Variants in SUPT3H observed in about 807,000 individuals in gnomAD.
SUPT3H encodes SPT3 homolog, SAGA and STAGA complex component.
In SUPT3H, 44 loss-of-function variants were observed where a neutral mutation model predicts 44.3. That is an observed-to-expected ratio of 0.99 (90% CI 0.78 to 1.28). The LOEUF (loss-of-function observed/expected upper bound fraction) is 1.28. Ranked by LOEUF, SUPT3H falls within the 50% of genes most tolerant of loss-of-function variation. SUPT3H has a pLI of 0.00. For synonymous variants in SUPT3H, 124 were observed against 125.6 expected, an observed-to-expected ratio of 0.99 and a Z score of 0.09; for missense variants, 380 against 387.1, an observed-to-expected ratio of 0.98 and a Z score of 0.15.
intron 5 of SUPT3H, among the ~76,000 whole-genome samples, chr6:45,008,040 T>C (rs563632928): frequency 8.5e-5 from 13 of 152,278 alleles, no homozygotes; most frequent in African/African-American, 2.6e-4. Context: ...CCAAATAATA[T>C]TCCTTTATAT....
chr6:44,915,116 A>G (rs9357460), intron 10 of SUPT3H, among the ~76,000 whole-genome samples: 1 of 152,184 alleles, frequency 6.6e-6, no homozygotes, highest in Non-Finnish European at 1.5e-5. Flanking sequence ...TCTTGGGATA[A>G]AAGTAAAGAG....
rs143906947 is a variant in SUPT3H, at chr6:44,981,606, T to C, written c.505-19778A>G. On this transcript the variant is annotated intron_variant, in intron 6 of 10. Coordinates refer to ENST00000371459, the MANE Select transcript of SUPT3H (RefSeq NM_003599.4). ...AGATTAGCGTGAGTGGTAATAGGAA[T>C]GTTTACCTGGGAATCAGAAGATCTG... Among the ~76,000 whole-genome samples, 40 of 152,272 alleles carry C rather than the reference T, an allele frequency of 2.6e-4. 1 individual carries two copies. The East Asian group carries it at 7.3e-3, about 28-fold the overall frequency.
intron 7 of SUPT3H, among the ~76,000 whole-genome samples, chr6:44,955,739 G>T (rs1370175081): frequency 6.6e-6 from 1 of 152,142 alleles, no homozygotes; most frequent in Non-Finnish European, 1.5e-5. Flanking sequence ...AGGGTAGGAG[G>T]GGGGTGAGGG....
At chr6:45,180,674 G>A (rs1353300186) in intron 2 of SUPT3H, among the ~76,000 whole-genome samples, 1 of 152,060 alleles carries the variant, frequency 6.6e-6, no homozygotes, top group Non-Finnish European at 1.5e-5. Context: ...TATGTAGAAA[G>A]CTGAAACTGG....
rs1201194557 is a variant in SUPT3H, at chr6:44,847,633, A to G, written c.913-17776T>C. Among the ~76,000 whole-genome samples, 6 of 151,920 alleles carry G rather than the reference A, an allele frequency of 3.9e-5. No homozygotes were observed. In the East Asian group the frequency reaches 1.2e-3, roughly 30 times the overall value. On this transcript the variant is annotated intron_variant, in intron 10 of 10. Transcript: ENST00000371459. Reference sequence around the variant, plus strand: ...CTTCTGAGTAGCTGGGACTACAGGCATGTGCCACCATGCCCAGCTAATTTT... The same window carrying G: ...CTTCTGAGTAGCTGGGACTACAGGCGTGTGCCACCATGCCCAGCTAATTTT...
chr6:45,257,239 A>C (rs1773557497), intron 2 of SUPT3H, among the ~76,000 whole-genome samples: 1 of 152,154 alleles, frequency 6.6e-6, no homozygotes, highest in Non-Finnish European at 1.5e-5. Context: ...TATGAGCCCC[A>C]TTTTTACCAT....
intron 3 of SUPT3H, among the ~76,000 whole-genome samples, chr6:45,030,260 A>T (rs1018962202): frequency 6.6e-6 from 1 of 152,166 alleles, no homozygotes; most frequent in Admixed American, 6.5e-5. Context: ...AAAAGGTTAC[A>T]TTTGCATTTC....
intron 2 of SUPT3H, among the ~76,000 whole-genome samples, chr6:45,126,683 T>C (rs1802478545): frequency 1.3e-5 from 2 of 152,302 alleles, no homozygotes; most frequent in Admixed American, 1.3e-4. Context: ...TGACTATGCC[T>C]ATCCTCTAAG....
intron 2 of SUPT3H, among the ~76,000 whole-genome samples, chr6:45,111,807 C>G (rs1237150951): frequency 6.6e-6 from 1 of 152,028 alleles, no homozygotes; most frequent in Non-Finnish European, 1.5e-5. Context: ...CCCACCCCCA[C>G]TCAGGGAAAG....
chr6:45,336,413 T>A (rs1168899278), intron 2 of SUPT3H, among the ~76,000 whole-genome samples: 2 of 151,374 alleles, frequency 1.3e-5, no homozygotes, highest in Non-Finnish European at 3.0e-5. Flanking sequence ...CACTCACAAG[T>A]ACCCAGGAAG....
chr6:45,032,885 G>T (rs554809948), intron 3 of SUPT3H, among the ~76,000 whole-genome samples: 2 of 152,228 alleles, frequency 1.3e-5, no homozygotes, highest in East Asian at 3.9e-4. Flanking sequence ...ATTAATGTGT[G>T]TTAGAATGAG....
At chr6:45,338,925 C>A (rs568717760) in intron 2 of SUPT3H, among the ~76,000 whole-genome samples, 24 of 151,960 alleles carry the variant, frequency 1.6e-4, no homozygotes, top group Non-Finnish European at 2.6e-4. Context: ...AAATTCTAGT[C>A]CTGAGCTGAA....
At chr6:44,856,663 A>C (rs1404505374) in intron 10 of SUPT3H, among the ~76,000 whole-genome samples, 1 of 152,214 alleles carries the variant, frequency 6.6e-6, no homozygotes, top group African/African-American at 2.4e-5. Context: ...AGCTATTACC[A>C]AATAGTTGGG....
At chr6:44,851,319 T>G (rs185322547) in intron 10 of SUPT3H, among the ~76,000 whole-genome samples, 77 of 152,340 alleles carry the variant, frequency 5.1e-4, no homozygotes, top group Admixed American at 1.4e-3. Context: ...AAAGTGGGGA[T>G]GTAAGAAATT....
At position 45,157,789 on chromosome 6, in the gene SUPT3H, C is replaced by T. The variant is rs60637239; in HGVS notation, c.102-51783G>A. 4.0e-3 allele frequency among the ~76,000 whole-genome samples: 600 copies of T among 151,514 alleles called. 6 individuals carry two copies. Among genetic ancestry groups the T allele is most frequent in the African/African-American group, 0.014 (563 of 41,382 alleles). On this transcript the variant is annotated intron_variant, in intron 2 of 10. Transcript: ENST00000371459. ...GTCTCAAACTCCTGACCTCGTGATC[C>T]GCCTGCCTCGGCCTCCCAAGTGCTG...
At chr6:44,838,673 G>A (rs1289922346) in intron 10 of SUPT3H, among the ~76,000 whole-genome samples, 4 of 152,116 alleles carry the variant, frequency 2.6e-5, no homozygotes, top group Admixed American at 6.5e-5. Context: ...ATTCAGGTCC[G>A]AGATACTCAT....
intron 2 of SUPT3H, among the ~76,000 whole-genome samples, chr6:45,236,635 T>C (rs758251298): frequency 2.0e-5 from 3 of 151,980 alleles, no homozygotes; most frequent in African/African-American, 7.3e-5. Flanking sequence ...CCAGTGACTG[T>C]TCAAGCAGTG....
At chr6:45,019,474 T>A (rs1276212419) in intron 4 of SUPT3H, among the ~76,000 whole-genome samples, 1 of 152,104 alleles carries the variant, frequency 6.6e-6, no homozygotes, top group African/African-American at 2.4e-5. Flanking sequence ...CTGCTTTCTC[T>A]TGTGGGCATT....
intron 11 of SUPT3H, among the ~76,000 whole-genome samples, chr6:44,817,047 T>C (rs1414682695): frequency 6.6e-6 from 1 of 151,918 alleles, no homozygotes; most frequent in Non-Finnish European, 1.5e-5. Context: ...GACTACAGAG[T>C]GAGACCCTGT....
Sources: gnomAD v4.1 joint callset for allele counts (sites outside exome capture counted in the v4.1 genomes callset) on GRCh38, gnomAD v4.1.1 for gene constraint, MANE v1.5 for transcripts, NCBI Gene and HGNC (gene_info 2026-07-23, HGNC 2026-07-21) for gene names.